NUAK1: variants seen among roughly 807,000 people sequenced by gnomAD.
NUAK1 encodes the protein NUAK family kinase 1.
Under a neutral mutation model 56.9 loss-of-function variants are expected in NUAK1, and 26 were observed. That is an observed-to-expected ratio of 0.46 (90% CI 0.33 to 0.63). The LOEUF (loss-of-function observed/expected upper bound fraction) is 0.63. NUAK1 is among the 30% of genes least tolerant of loss of function. The pLI is 0.02. For synonymous variants in NUAK1, 337 were observed against 336.0 expected (o/e 1.00, Z -0.03); for missense variants, 727 against 876.1 (o/e 0.83, Z 2.15).
chr12:106,128,176 G>C (rs1213044925), intron 1 of NUAK1, among the ~76,000 whole-genome samples: 4 of 144,646 alleles, frequency 2.8e-5, no homozygotes, highest in Non-Finnish European at 3.0e-5. Context: ...CTGTTGCCTA[G>C]GCTGGAGTGC....
intron 1 of NUAK1, among the ~76,000 whole-genome samples, chr12:106,113,422 G>A (rs1259112260): frequency 2.6e-5 from 4 of 152,028 alleles, no homozygotes; most frequent in African/African-American, 4.8e-5. Flanking sequence ...CAGATCACCT[G>A]CCTCCGATCC....
chr12:106,127,594 G>A (rs1026247995), intron 1 of NUAK1, among the ~76,000 whole-genome samples: 7 of 152,260 alleles, frequency 4.6e-5, no homozygotes, highest in East Asian at 1.9e-4. Context: ...CAGGGAAGGC[G>A]AGCAGACCTC....
At chr12:106,105,618 T>C (rs980959296) in intron 2 of NUAK1, 2 of 152,114 alleles carry the variant, frequency 1.3e-5, no homozygotes, top group African/African-American at 4.8e-5. Context: ...AAACCACAAA[T>C]AGATACAGAG....
chr12:106,064,145 A>T lies in NUAK1; in HGVS notation c.*2657T>A, dbSNP rs1427794. The T allele has an allele frequency of 0.061, 9,285 of 152,726 alleles. 680 individuals are homozygous for T. Among genetic ancestry groups the T allele is most frequent in the African/African-American group, 0.18 (7,511 of 41,520 alleles). 9.5% of individuals were successfully genotyped at this position (152,726 alleles called of 1,614,324 possible). A position where few individuals can be genotyped will look rare whatever the true frequency, so the allele number is the denominator to read the frequency against. On this transcript the variant is annotated 3_prime_UTR_variant, in exon 7 of 7. Transcript: ENST00000261402. ...TGTCTCTCACTTGTAATTCCACAGA[A>T]GTGAATAAAGCATAACTTCTTTGAC... is the stretch of plus-strand genomic sequence containing the variant.
intron 2 of NUAK1, among the ~76,000 whole-genome samples, chr12:106,094,559 A>G (rs1465105878): frequency 3.9e-5 from 6 of 152,248 alleles, no homozygotes; most frequent in Non-Finnish European, 8.8e-5. Flanking sequence ...TGAGAAATTT[A>G]AACTGGCATC....
intron 2 of NUAK1, among the ~76,000 whole-genome samples, chr12:106,093,814 G>T (rs905681042): frequency 6.6e-6 from 1 of 152,122 alleles, no homozygotes; most frequent in African/African-American, 2.4e-5. Context: ...TTGTTTGTTT[G>T]TTGAGACAGG....
chr12:106,067,512 G>A lies in NUAK1; in HGVS notation c.1276C>T (p.Pro426Ser), dbSNP rs760814933. 6.2e-7 allele frequency: 1 copy of A among 1,614,186 alleles called. No individual in the cohort carries two copies. Among genetic ancestry groups the A allele is most frequent in the Non-Finnish European group, 8.5e-7 (1 of 1,180,040 alleles). The change falls in exon 7 of 7, where the codon CCC (proline) becomes TCC (serine). Residue 426 changes from proline (P) to serine (S), a missense_variant. Pro to Ser is a moderately conservative substitution (Grantham distance 74). Transcript: ENST00000261402. This position sits in a 1 kb window ranked among gnomAD's most constrained non-coding sequence, Gnocchi z 6.0. ...TCCTGCTCCATCTTGAAAGTAGAGG[G>A]TAAGGCAGGACCAACTACACCTTCA... ...FIEGVVGPALPSTFKMEQDLC... is the reference protein window; with the variant it reads ...FIEGVVGPALSSTFKMEQDLC...
intron 1 of NUAK1, among the ~76,000 whole-genome samples, chr12:106,113,027 C>T (rs887509637): frequency 6.6e-6 from 1 of 152,176 alleles, no homozygotes; most frequent in African/African-American, 2.4e-5. Flanking sequence ...AAAAACAAAG[C>T]AGATTCGTGC....
Position 106,069,083 on chromosome 12 carries a change from T to G in NUAK1, c.833-1128A>C, listed in dbSNP as rs184432427. On this transcript the variant is annotated intron_variant, in intron 6 of 6. Transcript: ENST00000261402. ...AAAAAATTATATATAGAGAGAGAGA[T>G]AATGCATATCTATATATACACATAC... Among the ~76,000 whole-genome samples, 513 of 152,280 alleles carry G rather than the reference T, an allele frequency of 3.4e-3. 2 individuals carry two copies. Among genetic ancestry groups the G allele is most frequent in the Non-Finnish European group, 6.3e-3 (427 of 68,000 alleles).
At chr12:106,070,702 G>A in intron 6 of NUAK1, 72 bp downstream of exon 6, 1 of 1,578,046 alleles carries the variant, frequency 6.3e-7, no homozygotes, top group Non-Finnish European at 8.7e-7. Flanking sequence ...TAAAACAAAA[G>A]CAGAAAATAA....
rs2033150906 is a variant in NUAK1 at position 106,138,460 on chromosome 12, G to A, written c.194C>T (p.Thr65Ile). The change falls in exon 1 of 7, where the codon ACC (threonine) becomes ATC (isoleucine). Residue 65 changes from threonine (T) to isoleucine (I), a missense_variant. Thr to Ile is a moderately conservative substitution (Grantham distance 89). Coordinates refer to ENST00000261402, the MANE Select transcript of NUAK1 (RefSeq NM_014840.3). The surrounding 1 kb of genome is among the most constrained non-coding windows in gnomAD (Gnocchi z 5.0). The part of the protein sequence containing the change: ...YELQETLGKG[T>I]YGKVKRATER... Reference sequence around the variant, plus strand: ...GGTGGCCCGCTTGACTTTGCCGTAGGTGCCTTTGCCCAGGGTCTCCTGCAG... The same window carrying A: ...GGTGGCCCGCTTGACTTTGCCGTAGATGCCTTTGCCCAGGGTCTCCTGCAG... 6.2e-7 allele frequency: 1 copy of A among 1,613,308 alleles called. No homozygotes were observed. The highest frequency in any genetic ancestry group is 8.5e-7 in the Non-Finnish European group (1 of 1,179,794).
At chr12:106,072,319 T>C (rs906476838) in intron 5 of NUAK1, among the ~76,000 whole-genome samples, 1 of 152,240 alleles carries the variant, frequency 6.6e-6, no homozygotes, top group African/African-American at 2.4e-5. Flanking sequence ...TTTTTAATAA[T>C]GAATTTGGAA....
At chr12:106,128,548 T>C (rs2033046760) in intron 1 of NUAK1, among the ~76,000 whole-genome samples, 1 of 152,198 alleles carries the variant, frequency 6.6e-6, no homozygotes, top group South Asian at 2.1e-4. Context: ...GCCCAGTTCA[T>C]AGTGAAATGG....
Position 106,138,388 on chromosome 12 carries a change from G to A in NUAK1, c.240+26C>T. On this transcript the variant is annotated intron_variant, in intron 1 of 6. Coordinates refer to ENST00000261402, the MANE Select transcript of NUAK1 (RefSeq NM_014840.3). This position sits in a 1 kb window ranked among gnomAD's most constrained non-coding sequence, Gnocchi z 5.0. ...CGGCCGCGTCCACCCAGCGCCCCCC[G>A]CACCCTCCAGGATTGCCCCACTCAC... is the stretch of plus-strand genomic sequence containing the variant. The A allele has an allele frequency of 1.3e-6, 2 of 1,580,174 alleles. No homozygotes were observed. Among genetic ancestry groups the A allele is most frequent in the African/African-American group, 1.4e-5 (1 of 73,810 alleles).
chr12:106,090,502 T>A (rs145540595), intron 2 of NUAK1, among the ~76,000 whole-genome samples: 52 of 152,290 alleles, frequency 3.4e-4, no homozygotes, highest in African/African-American at 1.3e-3. Context: ...ACTATGAGGA[T>A]CCCCATTTTA....
intron 4 of NUAK1, among the ~76,000 whole-genome samples, chr12:106,074,238 G>A (rs1417419618): frequency 6.6e-6 from 1 of 151,948 alleles, no homozygotes; most frequent in African/African-American, 2.4e-5. Context: ...AATATATAAT[G>A]CAAAATAATA....
chr12:106,137,808 T>C (rs1300747214), intron 1 of NUAK1, among the ~76,000 whole-genome samples: 1 of 152,238 alleles, frequency 6.6e-6, no homozygotes, highest in East Asian at 1.9e-4. Flanking sequence ...TGATGCAAAC[T>C]GTTAGAATCC....
At chr12:106,113,410 A>G (rs1032685692) in intron 1 of NUAK1, among the ~76,000 whole-genome samples, 1 of 152,126 alleles carries the variant, frequency 6.6e-6, no homozygotes, top group African/African-American at 2.4e-5. Context: ...AAGGGTGGTG[A>G]GCAGATCACC....
intron 2 of NUAK1, among the ~76,000 whole-genome samples, chr12:106,096,219 A>G (rs1335211004): frequency 6.6e-6 from 1 of 152,104 alleles, no homozygotes; most frequent in African/African-American, 2.4e-5. Context: ...ACTAGAAAAT[A>G]TTGAATTCCA....
Sources: allele counts gnomAD v4.1 joint callset (sites outside exome capture counted in the v4.1 genomes callset), GRCh38; gene constraint gnomAD v4.1.1; non-coding constraint Gnocchi (gnomAD v3.1); transcripts MANE v1.5; gene names NCBI Gene and HGNC (gene_info 2026-07-23, HGNC 2026-07-21).